Variants in MPPED2 observed in about 807,000 individuals in gnomAD.
The protein encoded by MPPED2 is metallophosphoesterase MPPED2.
Under a neutral mutation model 33.0 loss-of-function variants are expected in MPPED2, and 5 were observed. The ratio of observed to expected loss-of-function variants is 0.15; its 90% CI spans 0.08 to 0.32. The LOEUF (loss-of-function observed/expected upper bound fraction) is 0.32. Among genes scored for constraint, MPPED2 ranks in the 10% least tolerant of loss-of-function variants. The pLI, the probability that MPPED2 is intolerant of heterozygous loss-of-function variation, is 1.00. For synonymous variants in MPPED2, 136 were observed against 141.9 expected (o/e 0.96, Z 0.29); for missense variants, 275 against 372.1 (o/e 0.74, Z 2.15).
chr11:30,469,731 T>C (rs1950870219), intron 4 of MPPED2, among the ~76,000 whole-genome samples: 1 of 152,194 alleles, frequency 6.6e-6, no homozygotes, highest in South Asian at 2.1e-4. Flanking sequence ...ATTATCATTA[T>C]CATCTTCACC....
At chr11:30,494,765 GA>G (rs1952170584) in intron 4 of MPPED2, among the ~76,000 whole-genome samples, 1 of 118,518 alleles carries the variant, frequency 8.4e-6, no homozygotes, top group African/African-American at 3.3e-5. Context: ...AAAAAAGAAA[GA>G]AAGAAAGAAA....
chr11:30,484,607 C>T (rs1951635825), intron 4 of MPPED2, among the ~76,000 whole-genome samples: 1 of 152,102 alleles, frequency 6.6e-6, no homozygotes, highest in African/African-American at 2.4e-5. Context: ...TTTATTTTTC[C>T]TGGGTGGAAA....
intron 2 of MPPED2, among the ~76,000 whole-genome samples, chr11:30,551,692 A>G (rs185656003): frequency 1.5e-3 from 232 of 152,294 alleles, no homozygotes; most frequent in African/African-American, 5.3e-3. Context: ...TCCTGCATGA[A>G]GTTTTCTAGA....
At chr11:30,437,422 GCTT>G (rs1949371590) in intron 4 of MPPED2, among the ~76,000 whole-genome samples, 1 of 152,144 alleles carries the variant, frequency 6.6e-6, no homozygotes, top group Non-Finnish European at 1.5e-5. Flanking sequence ...AGACCTGAAA[GCTT>G]CTATTTTCCC....
At position 30,436,502 on chromosome 11, in the gene MPPED2, G is replaced by A. The variant is rs956908971; in HGVS notation, c.537-18869C>T. 5.3e-5 allele frequency among the ~76,000 whole-genome samples: 8 copies of A among 152,126 alleles called. No homozygotes were observed. The South Asian group carries it at 1.0e-3, about 20-fold the overall frequency. On this transcript the variant is annotated intron_variant, in intron 4 of 6. Coordinates refer to ENST00000358117, the MANE Select transcript of MPPED2 (RefSeq NM_001584.3). The stretch of plus-strand genomic sequence containing the variant: ...GCAACCCTCCTGAATTCAAATCCTC[G>A]TTGTTAGCTTCATTTACCTCTCCAG...
chr11:30,461,777 T>C (rs928663721), intron 4 of MPPED2, among the ~76,000 whole-genome samples: 2 of 152,230 alleles, frequency 1.3e-5, no homozygotes, highest in South Asian at 2.1e-4. Flanking sequence ...CCCTCAGATA[T>C]TTAAGCAAAA....
At chr11:30,578,169 C>A (rs1275286554) in intron 2 of MPPED2, among the ~76,000 whole-genome samples, 1 of 152,032 alleles carries the variant, frequency 6.6e-6, no homozygotes, top group Non-Finnish European at 1.5e-5. Context: ...AGCTTTGAGG[C>A]ATTTGATGAG....
intron 4 of MPPED2, among the ~76,000 whole-genome samples, chr11:30,456,728 A>C (rs1443713700): frequency 2.6e-5 from 4 of 152,180 alleles, no homozygotes; most frequent in African/African-American, 7.2e-5. Context: ...TTTTTAGCCC[A>C]GTTTTTTCTC....
chr11:30,411,374 AG>A lies in MPPED2; in HGVS notation c.*93del, dbSNP rs1948095834. The A allele has an allele frequency of 7.0e-7, 1 of 1,432,242 alleles. No individual in the cohort carries two copies. Among genetic ancestry groups the A allele is most frequent in the East Asian group, 2.4e-5 (1 of 42,398 alleles). 88.7% of individuals were successfully genotyped at this position (1,432,242 alleles called of 1,614,324 possible). A position where few individuals can be genotyped will look rare whatever the true frequency, so the allele number is the denominator to read the frequency against. ...CCAACAATTTACAAAAAGAACTCAC[AG>A]GGTTTGTAAATAAGTAAGAGAATGT... On this transcript the variant is annotated 3_prime_UTR_variant, in exon 7 of 7. Transcript: ENST00000358117.
At chr11:30,475,033 G>A (rs774034786) in intron 4 of MPPED2, among the ~76,000 whole-genome samples, 1 of 152,016 alleles carries the variant, frequency 6.6e-6, no homozygotes, top group Non-Finnish European at 1.5e-5. Context: ...TGGTGAGCAT[G>A]GTTCTAGAAA....
downstream of MPPED2, among the ~76,000 whole-genome samples, chr11:30,407,879 GTAAA>G (rs554823185): frequency 2.3e-3 from 348 of 151,912 alleles, no homozygotes; most frequent in African/African-American, 7.7e-3. Context: ...AAATAAATAA[GTAAA>G]TAAATAAATA....
intron 4 of MPPED2, among the ~76,000 whole-genome samples, chr11:30,478,426 A>G (rs943957002): frequency 4.6e-5 from 7 of 152,132 alleles, no homozygotes; most frequent in Admixed American, 2.6e-4. Flanking sequence ...GAGATAAGAA[A>G]CGAGAAAGCA....
intron 4 of MPPED2, among the ~76,000 whole-genome samples, chr11:30,447,649 A>T (rs962963899): frequency 4.1e-4 from 62 of 152,336 alleles, no homozygotes; most frequent in African/African-American, 1.4e-3. Context: ...AGCCAGGTGC[A>T]AACGGGCATA....
chr11:30,542,119 A>G (rs901842661), intron 2 of MPPED2, among the ~76,000 whole-genome samples: 1 of 152,230 alleles, frequency 6.6e-6, no homozygotes, highest in Non-Finnish European at 1.5e-5. Flanking sequence ...AGGAACTTAG[A>G]GATGATCTGA....
At chr11:30,585,104 C>G (rs967616299) in intron 1 of MPPED2, 1 of 152,200 alleles carries the variant, frequency 6.6e-6, no homozygotes, top group African/African-American at 2.4e-5. Context: ...AAAAATGCCC[C>G]CTTCACCTCC....
chr11:30,454,902 G>A (rs944461149), intron 4 of MPPED2, among the ~76,000 whole-genome samples: 2 of 152,150 alleles, frequency 1.3e-5, no homozygotes, highest in Non-Finnish European at 2.9e-5. Context: ...GACTGTTAGG[G>A]CCTCTTTCAG....
intron 2 of MPPED2, among the ~76,000 whole-genome samples, chr11:30,536,481 G>T (rs1378234827): frequency 6.6e-6 from 1 of 152,170 alleles, no homozygotes; most frequent in Non-Finnish European, 1.5e-5. Flanking sequence ...GAAGTTTAGG[G>T]ATACTGAACC....
chr11:30,574,459 C>T (rs1037330702), intron 2 of MPPED2, among the ~76,000 whole-genome samples: 6 of 152,108 alleles, frequency 3.9e-5, no homozygotes, highest in South Asian at 2.1e-4. Context: ...AAGACGAAAT[C>T]GCCTAGAAGA....
At chr11:30,563,357 GCA>G (rs1393808858) in intron 2 of MPPED2, among the ~76,000 whole-genome samples, 2 of 152,168 alleles carry the variant, frequency 1.3e-5, no homozygotes, top group African/African-American at 4.8e-5. Context: ...TCCCTCGTAT[GCA>G]CAGTTTACAA....
Sources: gnomAD v4.1 joint callset for allele counts (sites outside exome capture counted in the v4.1 genomes callset) on GRCh38, gnomAD v4.1.1 for gene constraint, MANE v1.5 for transcripts, NCBI Gene and HGNC (gene_info 2026-07-23, HGNC 2026-07-21) for gene names.